CBLB: variants seen among roughly 807,000 people sequenced by gnomAD.
CBLB encodes the protein E3 ubiquitin-protein ligase CBL-B.
In CBLB, 31 loss-of-function variants were observed where a neutral mutation model predicts 104.9. The observed-to-expected ratio is 0.30, with a 90% CI of 0.22 to 0.40. CBLB has a LOEUF of 0.40. CBLB is among the 10% of genes least tolerant of loss of function. The pLI, the probability that CBLB is intolerant of heterozygous loss-of-function variation, is 1.00. For missense variants in CBLB, 1,062 were observed against 1,214.6 expected (o/e 0.87, Z 1.87); for synonymous variants, 440 against 422.6 (o/e 1.04, Z -0.51).
chr3:105,709,567 C>A (rs567562675), intron 10 of CBLB, among the ~76,000 whole-genome samples: 49 of 150,612 alleles, frequency 3.3e-4, no homozygotes, highest in African/African-American at 1.2e-3. Context: ...TAGCATTATA[C>A]AAAAAAAAAT....
chr3:105,728,413 G>A (rs1048838367), intron 9 of CBLB, among the ~76,000 whole-genome samples: 2 of 152,288 alleles, frequency 1.3e-5, no homozygotes, highest in African/African-American at 2.4e-5. Flanking sequence ...CAAGGGATGT[G>A]AAGAACCTCT....
intron 4 of CBLB, 99 bp downstream of exon 4, chr3:105,776,297 C>CA (rs9657919): frequency 0.017 from 18,737 of 1,099,648 alleles, 224 homozygotes; most frequent in Admixed American, 0.034. Flanking sequence ...AATACATTCA[C>CA]AAAACACTCA....
chr3:105,684,894 C>T (rs932457148), intron 14 of CBLB, among the ~76,000 whole-genome samples: 1 of 152,118 alleles, frequency 6.6e-6, no homozygotes, highest in Non-Finnish European at 1.5e-5. Flanking sequence ...GTAAATAGCA[C>T]TTGATAGAAA....
At position 105,685,605 on chromosome 3, in the gene CBLB, G is replaced by A. The variant is rs1442356373; in HGVS notation, c.2055-139C>T. Reference sequence around the variant, plus strand: ...ATTACAGGGTATCATCAGAGAAGCTGTTCTTATATCAAATACAAATGAAAA... The same window carrying A: ...ATTACAGGGTATCATCAGAGAAGCTATTCTTATATCAAATACAAATGAAAA... On this transcript the variant is annotated intron_variant, in intron 13 of 18. Transcript: ENST00000394030. The A allele has an allele frequency of 8.3e-5, 60 of 722,132 alleles. 1 individual carries two copies. The Admixed American group carries it at 1.3e-3, about 15-fold the overall frequency. 44.7% of individuals were successfully genotyped at this position (722,132 alleles called of 1,614,324 possible). A position where few individuals can be genotyped will look rare whatever the true frequency, so the allele number is the denominator to read the frequency against.
intron 3 of CBLB, among the ~76,000 whole-genome samples, chr3:105,786,835 A>C (rs2081081814): frequency 6.6e-6 from 1 of 152,214 alleles, no homozygotes; most frequent in South Asian, 2.1e-4. Flanking sequence ...ATAAATTAGC[A>C]CATCACATGT....
chr3:105,665,794 G>A (rs1181404164), intron 18 of CBLB, among the ~76,000 whole-genome samples: 1 of 151,280 alleles, frequency 6.6e-6, no homozygotes, highest in African/African-American at 2.4e-5. Context: ...ACTTTGGGAG[G>A]CCGAGGTGGG....
At chr3:105,730,207 C>T (rs1170783819) in intron 9 of CBLB, among the ~76,000 whole-genome samples, 2 of 151,272 alleles carry the variant, frequency 1.3e-5, no homozygotes, top group African/African-American at 2.4e-5. Flanking sequence ...GTACTGCATA[C>T]AATAAACGTA....
intron 3 of CBLB, among the ~76,000 whole-genome samples, chr3:105,836,066 G>A (rs991137931): frequency 6.6e-6 from 1 of 152,122 alleles, no homozygotes; most frequent in Admixed American, 6.6e-5. Flanking sequence ...CTTGCCTTTT[G>A]TGCCTCACCT....
chr3:105,836,621 G>A (rs2088558393), intron 3 of CBLB, among the ~76,000 whole-genome samples: 1 of 151,982 alleles, frequency 6.6e-6, no homozygotes, highest in Non-Finnish European at 1.5e-5. Context: ...TGAGAAATAG[G>A]GCAAATATGA....
At chr3:105,854,533 G>T (rs1020400788) in intron 2 of CBLB, among the ~76,000 whole-genome samples, 2 of 151,322 alleles carry the variant, frequency 1.3e-5, no homozygotes, top group African/African-American at 4.9e-5. Flanking sequence ...TCTTACAAAA[G>T]GTTAAATGTT....
Position 105,694,573 on chromosome 3 carries a change from T to G in CBLB, c.1960-985A>C, listed in dbSNP as rs115583648. On this transcript the variant is annotated intron_variant, in intron 12 of 18. Transcript: ENST00000394030. ...TTACCAATTACTTTCCCCCATCATA[T>G]TTCTAAAATGATGTGGAAGCTTTAG... 2.2e-3 allele frequency among the ~76,000 whole-genome samples: 335 copies of G among 151,994 alleles called. 2 individuals are homozygous for G. The highest frequency in any genetic ancestry group is 7.8e-3 in the African/African-American group (325 of 41,550).
chr3:105,841,843 C>T (rs1477521761), intron 3 of CBLB, among the ~76,000 whole-genome samples: 1 of 152,086 alleles, frequency 6.6e-6, no homozygotes. Context: ...ACATGAGATA[C>T]ATTATGGTTT....
At chr3:105,681,389 G>T in intron 16 of CBLB, 90 bp downstream of exon 16, 1 of 1,362,716 alleles carries the variant, frequency 7.3e-7, no homozygotes, top group Non-Finnish European at 1.0e-6. Flanking sequence ...AACCCAGTGA[G>T]TCTGTGTTAT....
chr3:105,770,887 T>A (rs1250252459), intron 4 of CBLB, among the ~76,000 whole-genome samples: 1 of 152,098 alleles, frequency 6.6e-6, no homozygotes, highest in Non-Finnish European at 1.5e-5. Context: ...TAACAAGCAG[T>A]GAGACTGAAT....
chr3:105,696,417 C>A (rs2068396383), intron 12 of CBLB, among the ~76,000 whole-genome samples: 1 of 151,768 alleles, frequency 6.6e-6, no homozygotes, highest in Admixed American at 6.6e-5. Context: ...CTGCCACTAC[C>A]TGAGTGAGTA....
intron 2 of CBLB, among the ~76,000 whole-genome samples, 192 bp downstream of exon 2, chr3:105,867,218 A>T (rs2092474995): frequency 2.6e-5 from 4 of 152,268 alleles, no homozygotes; most frequent in Admixed American, 2.6e-4. Context: ...AGAAAGGATG[A>T]AAGGTTAAAA....
At chr3:105,752,500 A>G (rs1480131417) in intron 4 of CBLB, among the ~76,000 whole-genome samples, 1 of 152,188 alleles carries the variant, frequency 6.6e-6, no homozygotes, top group Non-Finnish European at 1.5e-5. Context: ...TCAGTTTTTA[A>G]AACTTAAACT....
At position 105,658,114 on chromosome 3, in the gene CBLB, A is replaced by G. The variant is rs1320386723; in HGVS notation, c.*856T>C. ...CCTTGTTATATAACTTCAGTACAGC[A>G]TTGTCTTATACAAGTGTTCTCTCTT... is the stretch of plus-strand genomic sequence containing the variant. On this transcript the variant is annotated 3_prime_UTR_variant, in exon 19 of 19. Transcript: ENST00000394030. 4.6e-6 allele frequency: 1 copy of G among 216,880 alleles called. No individual in the cohort carries two copies. The highest frequency in any genetic ancestry group is 9.3e-6 in the Non-Finnish European group (1 of 107,782). The allele number at this position is 216,880 out of a possible 1,614,324, so 13.4% of individuals were successfully genotyped here. A position where few individuals can be genotyped will look rare whatever the true frequency, so the allele number is the denominator to read the frequency against.
intron 7 of CBLB, among the ~76,000 whole-genome samples, chr3:105,738,716 A>T (rs1009327787): frequency 3.3e-5 from 5 of 151,900 alleles, no homozygotes; most frequent in Non-Finnish European, 7.4e-5. Flanking sequence ...ATATTTTCTT[A>T]AAAAAAATCT....
Sources: gnomAD v4.1 joint callset for allele counts (sites outside exome capture counted in the v4.1 genomes callset) on GRCh38, gnomAD v4.1.1 for gene constraint, MANE v1.5 for transcripts, NCBI Gene and HGNC (gene_info 2026-07-23, HGNC 2026-07-21) for gene names.